The following IQCC variants were observed in gnomAD, a reference collection of about 807,000 sequenced individuals.
IQCC encodes IQ motif containing C.
In IQCC, 23 loss-of-function variants were observed where a neutral mutation model predicts 27.0. The observed-to-expected ratio is 0.85, with a 90% CI of 0.61 to 1.21. The LOEUF (loss-of-function observed/expected upper bound fraction) is 1.21. Among genes scored for constraint, IQCC ranks in the 50% most tolerant of loss-of-function variants. The pLI, the probability that IQCC is intolerant of heterozygous loss-of-function variation, is 0.00. For missense variants in IQCC, 552 were observed against 562.3 expected (o/e 0.98, Z 0.19); for synonymous variants, 220 against 217.2 (o/e 1.01, Z -0.11).
rs1354726836 is a variant in IQCC at position 32,206,222 on chromosome 1, A to G, written c.111A>G (p.Val37=). 1 of 1,614,042 alleles carries G rather than the reference A, an allele frequency of 6.2e-7. No individual in the cohort carries two copies. The highest frequency in any genetic ancestry group is 1.3e-5 in the African/African-American group (1 of 74,912). Residue 37 remains valine (V), a synonymous_variant, in exon 2 of 5, where the codon GTA becomes GTG. Coordinates refer to ENST00000291358, the MANE Select transcript of IQCC (RefSeq NM_018134.3). The stretch of plus-strand genomic sequence containing the variant: ...TGCGAGCTGAGTATGAGGCGATTGT[A>G]CGAGAGGTCGAGGGCGACCTGGGCA... ...QSLRAEYEAI[V]REVEGDLGTL...
At chr1:32,207,192 T>C in intron 4 of IQCC, 48 bp from the exon 5 acceptor site, 6 of 1,603,918 alleles carry the variant, frequency 3.7e-6, no homozygotes, top group Non-Finnish European at 5.1e-6. Context: ...CGACCTGCCA[T>C]GCCCAAGCAG....
At position 32,207,428 on chromosome 1, in the gene IQCC, CAG is replaced by C; in HGVS notation, c.748_749del (p.Arg250GlyfsTer22). The stretch of plus-strand genomic sequence containing the variant: ...TAGAACAGGAGGATGACTCCTGTCA[CAG>C]GGTCAAATCACCCCACAGATCCCCA... ...ELEQEDDSCH[R>X]VKSPHRSPGS... On this transcript the variant is annotated frameshift_variant, in exon 5 of 5. Transcript: ENST00000291358. LOFTEE classifies it low-confidence loss of function (END_TRUNC). 2 of 1,613,864 alleles carry C rather than the reference CAG, an allele frequency of 1.2e-6. No homozygotes were observed. The highest frequency in any genetic ancestry group is 1.7e-6 in the Non-Finnish European group (2 of 1,179,956).
At position 32,206,709 on chromosome 1, in the gene IQCC, C is replaced by T. The variant is rs1643351773; in HGVS notation, c.387C>T (p.Asn129=). 1 of 1,614,072 alleles carries T rather than the reference C, an allele frequency of 6.2e-7. No homozygotes were observed. Among genetic ancestry groups the T allele is most frequent in the Non-Finnish European group, 8.5e-7 (1 of 1,180,036 alleles). ...DHSSWLQMKQ[N]RKPSQEKTRD... ...GCTCCTGGCTTCAGATGAAGCAGAACAGGAAACCCAGCCAAGAGAAGACCA... is the reference window on the plus strand; with the variant it reads ...GCTCCTGGCTTCAGATGAAGCAGAATAGGAAACCCAGCCAAGAGAAGACCA... Residue 129 remains asparagine, a synonymous_variant, in exon 3 of 5, where the codon AAC becomes AAT. Transcript: ENST00000291358.
intron 4 of IQCC, 29 bp downstream of exon 4, chr1:32,207,149 C>A (rs1345914167): frequency 1.9e-6 from 3 of 1,596,214 alleles, no homozygotes; most frequent in South Asian, 1.1e-5. Flanking sequence ...TCTTTCTGAA[C>A]ATTTAGGGTC....
At position 32,208,375 on chromosome 1, in the gene IQCC, G is replaced by A. The variant is rs1390478980; in HGVS notation, c.*293G>A. ...GCACTTTGGGAGGCCAAGGTGAGTG[G>A]ATCACCTGAGGTCAGAAGTTTGAGA... On this transcript the variant is annotated 3_prime_UTR_variant, in exon 5 of 5. Transcript: ENST00000291358. 3.3e-6 allele frequency: 1 copy of A among 302,062 alleles called. No homozygotes were observed. Among genetic ancestry groups the A allele is most frequent in the African/African-American group, 2.1e-5 (1 of 47,358 alleles). The allele number at this position is 302,062 out of a possible 1,614,324, so 18.7% of individuals were successfully genotyped here.
chr1:32,206,714 A>C lies in IQCC; in HGVS notation c.392A>C (p.Lys131Thr), dbSNP rs200421362. The C allele has an allele frequency of 3.3e-5, 53 of 1,614,180 alleles. No homozygotes were observed. In the Admixed American group the frequency reaches 8.7e-4, roughly 26 times the overall value. ...SSWLQMKQNRKPSQEKTRDTT... is the reference protein window; with the variant it reads ...SSWLQMKQNRTPSQEKTRDTT... Reference sequence around the variant, plus strand: ...TGGCTTCAGATGAAGCAGAACAGGAAACCCAGCCAAGAGAAGACCAGAGAC... The same window carrying C: ...TGGCTTCAGATGAAGCAGAACAGGACACCCAGCCAAGAGAAGACCAGAGAC... Residue 131 changes from lysine to threonine, a missense_variant, in exon 3 of 5, where the codon AAA becomes ACA. By Grantham distance (78) the Lys-to-Thr change is moderately conservative (BLOSUM62 -1). Coordinates refer to ENST00000291358, the MANE Select transcript of IQCC (RefSeq NM_018134.3).
rs1274792919 is a variant in IQCC at position 32,208,224 on chromosome 1, A to G, written c.*142A>G. ...ATTGGTGACTAGTGGGGCCAAGAGAAGCTGGAGCAGAGAGCTGGCATGAGT... is the reference window on the plus strand; with the variant it reads ...ATTGGTGACTAGTGGGGCCAAGAGAGGCTGGAGCAGAGAGCTGGCATGAGT... On this transcript the variant is annotated 3_prime_UTR_variant, in exon 5 of 5. Coordinates refer to ENST00000291358, the MANE Select transcript of IQCC (RefSeq NM_018134.3). 4.7e-6 allele frequency: 4 copies of G among 853,644 alleles called. No homozygotes were observed. The highest frequency in any genetic ancestry group is 7.1e-6 in the Non-Finnish European group (4 of 559,652). 52.9% of individuals were successfully genotyped at this position (853,644 alleles called of 1,614,324 possible). A position where few individuals can be genotyped will look rare whatever the true frequency, so the allele number is the denominator to read the frequency against.
At position 32,207,665 on chromosome 1, in the gene IQCC, A is replaced by G; in HGVS notation, c.984A>G (p.Leu328=). 6.2e-7 allele frequency: 1 copy of G among 1,614,108 alleles called. No individual in the cohort carries two copies. The highest frequency in any genetic ancestry group is 8.5e-7 in the Non-Finnish European group (1 of 1,180,022). ...TGGAGGACCAGACCCCCAGAGGTTT[A>G]AAACCTAGGAACCATTGTCCCAGGA... ...KILEDQTPRG[L]KPRNHCPRKS... The change falls in exon 5 of 5, where the codon TTA becomes TTG. Residue 328 remains leucine (L), a synonymous_variant. Coordinates refer to ENST00000291358, the MANE Select transcript of IQCC (RefSeq NM_018134.3).
At position 32,206,200 on chromosome 1, in the gene IQCC, G is replaced by T. The variant is rs144417142; in HGVS notation, c.89G>T (p.Arg30Leu). 9.3e-5 allele frequency: 150 copies of T among 1,613,972 alleles called. No individual in the cohort carries two copies. The African/African-American group carries it at 1.4e-3, about 15-fold the overall frequency. ...GTCCGACGCCAGTTCCAGAGCCTGCGAGCTGAGTATGAGGCGATTGTACGA... is the reference window on the plus strand; with the variant it reads ...GTCCGACGCCAGTTCCAGAGCCTGCTAGCTGAGTATGAGGCGATTGTACGA... ...FLVRRQFQSL[R>L]AEYEAIVREV... The change falls in exon 2 of 5, where the codon CGA (arginine) becomes CTA (leucine). Residue 30 changes from arginine (R) to leucine (L), a missense_variant. Arg to Leu is a moderately radical substitution (Grantham distance 102, BLOSUM62 -2). Coordinates refer to ENST00000291358, the MANE Select transcript of IQCC (RefSeq NM_018134.3).
Position 32,206,554 on chromosome 1 carries a change from A to G in IQCC, c.232A>G (p.Asn78Asp). ...CTGGAAAGCAGGAGACAGGGTAGCAAATCCAGAGCAGGGGCTGTGGAACCA... is the reference window on the plus strand; with the variant it reads ...CTGGAAAGCAGGAGACAGGGTAGCAGATCCAGAGCAGGGGCTGTGGAACCA... The part of the protein sequence containing the change: ...QTWKAGDRVA[N>D]PEQGLWNHFP... Residue 78 changes from asparagine (N) to aspartate (D), a missense_variant, in exon 3 of 5, where the codon AAT becomes GAT. Transcript: ENST00000291358. The G allele has an allele frequency of 6.2e-7, 1 of 1,614,186 alleles. No individual in the cohort carries two copies. The highest frequency in any genetic ancestry group is 8.5e-7 in the Non-Finnish European group (1 of 1,180,036).
rs780814578 is a variant in IQCC, at chr1:32,205,975, C to T, written c.43-179C>T. 8 of 1,557,022 alleles carry T rather than the reference C, an allele frequency of 5.1e-6. No homozygotes were observed. Among genetic ancestry groups the T allele is most frequent in the African/African-American group, 2.7e-5 (2 of 73,394 alleles). ...GGAAGAGCCTTAAGGCGAGGAGGGG[C>T]ATCCAGTCTGGCATCGTCCCTCGAG... On this transcript the variant is annotated intron_variant, in intron 1 of 4. Transcript: ENST00000291358. The surrounding 1 kb of genome is among the most constrained non-coding windows in gnomAD (Gnocchi z 5.6).
Position 32,208,213 on chromosome 1 carries a change from G to A in IQCC, c.*131G>A. 1 of 966,222 alleles carries A rather than the reference G, an allele frequency of 1.0e-6. No homozygotes were observed. Among genetic ancestry groups the A allele is most frequent in the Non-Finnish European group, 1.5e-6 (1 of 661,422 alleles). The allele number at this position is 966,222 out of a possible 1,614,324, so 59.9% of individuals were successfully genotyped here. On this transcript the variant is annotated 3_prime_UTR_variant, in exon 5 of 5. Transcript: ENST00000291358. ...TGCCCCTGGCCATTGGTGACTAGTG[G>A]GGCCAAGAGAAGCTGGAGCAGAGAG...
At chr1:32,206,895 C>A in intron 3 of IQCC, 107 bp from the exon 4 acceptor site, 3 of 1,394,914 alleles carry the variant, frequency 2.2e-6, no homozygotes, top group Admixed American at 1.9e-5. Flanking sequence ...AGGGCCACCA[C>A]ATGGTTGGGC....
Position 32,205,697 on chromosome 1 carries a change from C to CA in IQCC, c.16_17insA (p.Leu6HisfsTer27), listed in dbSNP as rs765958849. ...GTTGGCGCCCATGGAGCCAGAGCTG[C>CA]TGGTTCGGAAGGTGTCTGCATTGCA... On this transcript the variant is annotated frameshift_variant, in exon 1 of 5. Transcript: ENST00000291358. LOFTEE classifies it high-confidence loss of function. This position sits in a 1 kb window ranked among gnomAD's most constrained non-coding sequence, Gnocchi z 5.6. 1.2e-6 allele frequency: 2 copies of CA among 1,607,262 alleles called. No individual in the cohort carries two copies. Among genetic ancestry groups the CA allele is most frequent in the Admixed American group, 3.3e-5 (2 of 59,788 alleles).
Position 32,206,637 on chromosome 1 carries a change from G to T in IQCC, c.315G>T (p.Lys105Asn). 6.2e-7 allele frequency: 1 copy of T among 1,614,236 alleles called. No individual in the cohort carries two copies. Among genetic ancestry groups the T allele is most frequent in the Non-Finnish European group, 8.5e-7 (1 of 1,180,044 alleles). ...EATWEEMVLK[K>N]SGESSANQGS... ...CCTGGGAGGAGATGGTGCTGAAGAAGTCAGGAGAGAGCTCAGCAAATCAAG... is the reference window on the plus strand; with the variant it reads ...CCTGGGAGGAGATGGTGCTGAAGAATTCAGGAGAGAGCTCAGCAAATCAAG... The change falls in exon 3 of 5, where the codon AAG (lysine) becomes AAT (asparagine). Residue 105 changes from lysine (K) to asparagine (N), a missense_variant. Transcript: ENST00000291358.
In IQCC at chr1:32,206,725, G is replaced by A. The variant is rs762587412; in HGVS notation, c.403G>A (p.Glu135Lys). Residue 135 changes from glutamate to lysine, a missense_variant, in exon 3 of 5, where the codon GAG becomes AAG. Coordinates refer to ENST00000291358, the MANE Select transcript of IQCC (RefSeq NM_018134.3). ...QMKQNRKPSQ[E>K]KTRDTTRMEN... ...GAAGCAGAACAGGAAACCCAGCCAAGAGAAGACCAGAGACACGACAAGGAT... is the reference window on the plus strand; with the variant it reads ...GAAGCAGAACAGGAAACCCAGCCAAAAGAAGACCAGAGACACGACAAGGAT... The A allele has an allele frequency of 6.2e-7, 1 of 1,614,174 alleles. No individual in the cohort carries two copies. The highest frequency in any genetic ancestry group is 1.1e-5 in the South Asian group (1 of 91,070).
intron 4 of IQCC, 28 bp from the exon 5 acceptor site, chr1:32,207,212 G>C (rs1643380369): frequency 6.2e-7 from 1 of 1,612,344 alleles, no homozygotes; most frequent in Admixed American, 1.7e-5. Context: ...GGCCTGCTTG[G>C]TACAATGTAT....
In IQCC at chr1:32,208,144, C is replaced by G; in HGVS notation, c.*62C>G. 6.8e-7 allele frequency: 1 copy of G among 1,479,552 alleles called. No individual in the cohort carries two copies. Among genetic ancestry groups the G allele is most frequent in the South Asian group, 1.4e-5 (1 of 73,312 alleles). The allele number at this position is 1,479,552 out of a possible 1,614,324, so 91.7% of individuals were successfully genotyped here. On this transcript the variant is annotated 3_prime_UTR_variant, in exon 5 of 5. Coordinates refer to ENST00000291358, the MANE Select transcript of IQCC (RefSeq NM_018134.3). ...GGAATGCTATGAAAGGGCAGTGAGA[C>G]AAGACCTCATCCTACCTCCCTGACC...
In IQCC at chr1:32,207,539, T is replaced by C. The variant is rs2124200558; in HGVS notation, c.858T>C (p.Ser286=). 3 of 1,611,940 alleles carry C rather than the reference T, an allele frequency of 1.9e-6. No homozygotes were observed. Among genetic ancestry groups the C allele is most frequent in the East Asian group, 4.5e-5 (2 of 44,872 alleles). Reference sequence around the variant, plus strand: ...ACAGCAAGTCTGGACCACCGTCGTCTATACCATCAAACAGCCAGGCCTTGG... The same window carrying C: ...ACAGCAAGTCTGGACCACCGTCGTCCATACCATCAAACAGCCAGGCCTTGG... ...PCYSKSGPPS[S]IPSNSQALGD... is the part of the protein sequence containing the mutation. Residue 286 remains serine, a synonymous_variant, in exon 5 of 5, where the codon TCT becomes TCC. Coordinates refer to ENST00000291358, the MANE Select transcript of IQCC (RefSeq NM_018134.3).
Sources: allele counts gnomAD v4.1 joint callset, GRCh38; gene constraint gnomAD v4.1.1; non-coding constraint Gnocchi (gnomAD v3.1); transcripts MANE v1.5; gene names NCBI Gene and HGNC (gene_info 2026-07-23, HGNC 2026-07-21).